LRRC46: variants seen among roughly 807,000 people sequenced by gnomAD.
The protein encoded by LRRC46 is leucine-rich repeat-containing protein 46.
In LRRC46, 20 loss-of-function variants were observed where a neutral mutation model predicts 28.0. That is an observed-to-expected ratio of 0.71 (90% CI 0.50 to 1.04). The LOEUF (loss-of-function observed/expected upper bound fraction) is 1.04, where lower values mean the gene tolerates loss of function less well. Ranked by LOEUF, LRRC46 falls within the 50% of genes least tolerant of loss-of-function variation. The pLI, the probability that LRRC46 is intolerant of heterozygous loss-of-function variation, is 0.00. For missense variants in LRRC46, 315 were observed against 390.1 expected, an observed-to-expected ratio of 0.81 and a Z score of 1.62; for synonymous variants, 156 against 158.8, an observed-to-expected ratio of 0.98 and a Z score of 0.13.
rs1408679867 is a variant in LRRC46, at chr17:47,837,079, C to T, written c.925C>T (p.Pro309Ser). ...TAPKASVAEA[P>S]STTKTTAKRS... ...CCCCAAGGCCTCTGTGGCTGAGGCC[C>T]CCAGCACAACCAAAACTACGGCCAA... Residue 309 changes from proline to serine, a missense_variant, in exon 8 of 8, where the codon CCC becomes TCC. Transcript: ENST00000269025. 1.9e-6 allele frequency: 3 copies of T among 1,604,704 alleles called. No homozygotes were observed. Among genetic ancestry groups the T allele is most frequent in the African/African-American group, 2.7e-5 (2 of 73,804 alleles).
intron 2 of LRRC46, chr17:47,834,164 C>A: frequency 9.1e-7 from 1 of 1,094,742 alleles, no homozygotes; most frequent in Non-Finnish European, 1.1e-6. Context: ...CATAAGCTGC[C>A]ATCCCCCAAT....
At chr17:47,834,679 A>G in intron 3 of LRRC46, 146 bp downstream of exon 3, 1 of 587,282 alleles carries the variant, frequency 1.7e-6, no homozygotes, top group Non-Finnish European at 3.1e-6. Flanking sequence ...GACGAATGAC[A>G]TAGGGTCCTG....
At position 47,837,616 on chromosome 17, in the gene LRRC46, A is replaced by G; in HGVS notation, c.*496A>G. 1.8e-6 allele frequency: 1 copy of G among 564,036 alleles called. No individual in the cohort carries two copies. The highest frequency in any genetic ancestry group is 3.3e-5 in the East Asian group (1 of 30,034). 34.9% of individuals were successfully genotyped at this position (564,036 alleles called of 1,614,324 possible). The stretch of plus-strand genomic sequence containing the variant: ...ATGAGTACACAACCACAGGCCCCGC[A>G]GCCAGCCCACAGCTGCCTTTGGGCC... On this transcript the variant is annotated 3_prime_UTR_variant, in exon 8 of 8. Coordinates refer to ENST00000269025, the MANE Select transcript of LRRC46 (RefSeq NM_033413.4).
rs1241597563 is a variant in LRRC46 at position 47,836,747 on chromosome 17, C to G, written c.596-3C>G. 1 of 1,613,126 alleles carries G rather than the reference C, an allele frequency of 6.2e-7. No homozygotes were observed. Among genetic ancestry groups the G allele is most frequent in the Non-Finnish European group, 8.5e-7 (1 of 1,179,714 alleles). On this transcript the variant is annotated splice_polypyrimidine_tract_variant and splice_region_variant and intron_variant, in intron 7 of 7. Coordinates refer to ENST00000269025, the MANE Select transcript of LRRC46 (RefSeq NM_033413.4). This position sits in a 1 kb window ranked among gnomAD's most constrained non-coding sequence, Gnocchi z 5.8. ...TGTACCCTCCACCCCCGGCCCCTCCCAGGCTTCCTCAAGGAGCTGGAGCAG... is the reference window on the plus strand; with the variant it reads ...TGTACCCTCCACCCCCGGCCCCTCCGAGGCTTCCTCAAGGAGCTGGAGCAG...
At position 47,837,299 on chromosome 17, in the gene LRRC46, C is replaced by T; in HGVS notation, c.*179C>T. 1 of 820,032 alleles carries T rather than the reference C, an allele frequency of 1.2e-6. No individual in the cohort carries two copies. The highest frequency in any genetic ancestry group is 3.5e-5 in the Admixed American group (1 of 28,344). The allele number at this position is 820,032 out of a possible 1,614,324, so 50.8% of individuals were successfully genotyped here. ...AGTGAAAGCTCCAGGAAACAAAATA[C>T]AGAGCTCAGTGAGCCACCTGATTCT... is the stretch of plus-strand genomic sequence containing the variant. On this transcript the variant is annotated 3_prime_UTR_variant, in exon 8 of 8. Coordinates refer to ENST00000269025, the MANE Select transcript of LRRC46 (RefSeq NM_033413.4).
chr17:47,836,150 C>G lies in LRRC46; in HGVS notation c.452+48C>G. ...AAAGGTCATGGCTGAGCTCTACCTG[C>G]TAACTCAGCCCAGACCCCTCTCAGC... On this transcript the variant is annotated intron_variant, in intron 6 of 7. Coordinates refer to ENST00000269025, the MANE Select transcript of LRRC46 (RefSeq NM_033413.4). This position sits in a 1 kb window ranked among gnomAD's most constrained non-coding sequence, Gnocchi z 5.8. The G allele has an allele frequency of 6.3e-7, 1 of 1,599,768 alleles. No individual in the cohort carries two copies. The highest frequency in any genetic ancestry group is 8.6e-7 in the Non-Finnish European group (1 of 1,167,066).
chr17:47,834,319 C>A, intron 2 of LRRC46, 106 bp from the exon 3 acceptor site: 1 of 877,884 alleles, frequency 1.1e-6, no homozygotes. Context: ...ATGACTCAGC[C>A]AACTACCCCT....
chr17:47,834,879 A>G (rs1255655371), intron 3 of LRRC46: 2 of 231,762 alleles, frequency 8.6e-6, no homozygotes, highest in Non-Finnish European at 1.7e-5. Flanking sequence ...CATCATTCAG[A>G]TCCTACTTGA....
At position 47,836,212 on chromosome 17, in the gene LRRC46, C is replaced by G; in HGVS notation, c.452+110C>G. On this transcript the variant is annotated intron_variant, in intron 6 of 7. Transcript: ENST00000269025. This position sits in a 1 kb window ranked among gnomAD's most constrained non-coding sequence, Gnocchi z 5.8. Reference sequence around the variant, plus strand: ...GGGTCCTGTCCATGACACCTTCTCCCCCACCTCCTACCTAGCTCATGAGCC... The same window carrying G: ...GGGTCCTGTCCATGACACCTTCTCCGCCACCTCCTACCTAGCTCATGAGCC... 1.9e-6 allele frequency: 3 copies of G among 1,572,676 alleles called. No homozygotes were observed. Among genetic ancestry groups the G allele is most frequent in the Non-Finnish European group, 2.6e-6 (3 of 1,145,926 alleles).
intron 5 of LRRC46, 121 bp downstream of exon 5, chr17:47,835,896 G>T: frequency 1.5e-6 from 2 of 1,294,364 alleles, no homozygotes; most frequent in East Asian, 4.7e-5. Flanking sequence ...TTCATCCTCA[G>T]GGAGTTCAAG....
chr17:47,836,947 G>A lies in LRRC46; in HGVS notation c.793G>A (p.Val265Ile), dbSNP rs771928111. 9.3e-6 allele frequency: 15 copies of A among 1,613,604 alleles called. No individual in the cohort carries two copies. The highest frequency in any genetic ancestry group is 1.1e-5 in the Non-Finnish European group (13 of 1,179,934). Residue 265 changes from valine (V) to isoleucine (I), a missense_variant, in exon 8 of 8, where the codon GTC becomes ATC. Transcript: ENST00000269025. The surrounding 1 kb of genome is among the most constrained non-coding windows in gnomAD (Gnocchi z 5.8). ...AGGGGAGGAGACAGTCCCTGAGGCC[G>A]TCTCCTCACCCCAGGCCTCCTCTCC... ...AQGEETVPEA[V>I]SSPQASSPTK... is the part of the protein sequence containing the mutation.
chr17:47,835,850 C>T, intron 5 of LRRC46, 75 bp downstream of exon 5: 1 of 1,411,768 alleles, frequency 7.1e-7, no homozygotes, highest in Admixed American at 1.7e-5. Context: ...CCCATCTGCC[C>T]ATGCTTCTAT....
At position 47,834,439 on chromosome 17, in the gene LRRC46, A is replaced by G. The variant is rs2033670346; in HGVS notation, c.131A>G (p.Asp44Gly). Residue 44 changes from aspartate to glycine, a missense_variant, in exon 3 of 8, where the codon GAT becomes GGT. Physicochemically the swap from Asp to Gly is moderately conservative, Grantham distance 94 (BLOSUM62 -1). Coordinates refer to ENST00000269025, the MANE Select transcript of LRRC46 (RefSeq NM_033413.4). ...ELSEKMFHTLDELQTVRLDRE... is the reference protein window; with the variant it reads ...ELSEKMFHTLGELQTVRLDRE... Reference sequence around the variant, plus strand: ...TCTTTTCCCAGGTTTCACACTCTTGATGAACTGCAGACTGTCCGCCTGGAC... The same window carrying G: ...TCTTTTCCCAGGTTTCACACTCTTGGTGAACTGCAGACTGTCCGCCTGGAC... The G allele has an allele frequency of 4.3e-6, 7 of 1,612,934 alleles. No homozygotes were observed. In the East Asian group the frequency reaches 1.6e-4, roughly 36 times the overall value.
rs1036369794 is a variant in LRRC46, at chr17:47,837,229, G to C, written c.*109G>C. On this transcript the variant is annotated 3_prime_UTR_variant, in exon 8 of 8. Coordinates refer to ENST00000269025, the MANE Select transcript of LRRC46 (RefSeq NM_033413.4). ...CCCCAGTAAAGTGTCTCTAGGCCCTGAGTATGCTTTTCATGTCACTTGGGG... is the reference window on the plus strand; with the variant it reads ...CCCCAGTAAAGTGTCTCTAGGCCCTCAGTATGCTTTTCATGTCACTTGGGG... 1 of 1,439,506 alleles carries C rather than the reference G, an allele frequency of 6.9e-7. No homozygotes were observed. Among genetic ancestry groups the C allele is most frequent in the African/African-American group, 1.4e-5 (1 of 69,568 alleles). 89.2% of individuals were successfully genotyped at this position (1,439,506 alleles called of 1,614,324 possible). A position where few individuals can be genotyped will look rare whatever the true frequency, so the allele number is the denominator to read the frequency against.
rs748743875 is a variant in LRRC46 at position 47,836,472 on chromosome 17, C to T, written c.592C>T (p.Arg198Ter). 7.4e-6 allele frequency: 12 copies of T among 1,613,688 alleles called. No individual in the cohort carries two copies. The highest frequency in any genetic ancestry group is 1.7e-5 in the Admixed American group (1 of 59,980). ...GCTGAGTGGCCCATTCTGCTCAGAA[C>T]GAGGTGACCCTGCTTTCCAAGGTTT... is the stretch of plus-strand genomic sequence containing the variant. Reference protein sequence around the residue: ...PELSGPFCSERGFLKELEQEL... With the variant: ...PELSGPFCSE Residue 198 changes from arginine (R) to a stop codon, truncating the protein, a stop_gained, in exon 7 of 8, where the codon CGA becomes TGA. Coordinates refer to ENST00000269025, the MANE Select transcript of LRRC46 (RefSeq NM_033413.4). LOFTEE classifies it low-confidence loss of function (END_TRUNC). This position sits in a 1 kb window ranked among gnomAD's most constrained non-coding sequence, Gnocchi z 5.8.
rs549324396 is a variant in LRRC46, at chr17:47,836,658, G to A, written c.596-92G>A. On this transcript the variant is annotated intron_variant, in intron 7 of 7. Transcript: ENST00000269025. The surrounding 1 kb of genome is among the most constrained non-coding windows in gnomAD (Gnocchi z 5.8). ...CAGGCTCCTTCCCACAAGGGACAAG[G>A]GGCCAGCCAGAGACTTCCCTGAGCC... 6.5e-7 allele frequency: 1 copy of A among 1,542,410 alleles called. No individual in the cohort carries two copies. The highest frequency in any genetic ancestry group is 2.3e-5 in the East Asian group (1 of 43,304).
In LRRC46 at chr17:47,837,232, T is replaced by A; in HGVS notation, c.*112T>A. 7.0e-7 allele frequency: 1 copy of A among 1,420,998 alleles called. No homozygotes were observed. Among genetic ancestry groups the A allele is most frequent in the Non-Finnish European group, 9.5e-7 (1 of 1,057,002 alleles). 88.0% of individuals were successfully genotyped at this position (1,420,998 alleles called of 1,614,324 possible). ...CAGTAAAGTGTCTCTAGGCCCTGAG[T>A]ATGCTTTTCATGTCACTTGGGGTAT... On this transcript the variant is annotated 3_prime_UTR_variant, in exon 8 of 8. Coordinates refer to ENST00000269025, the MANE Select transcript of LRRC46 (RefSeq NM_033413.4).
In LRRC46 at chr17:47,836,390, G is replaced by A; in HGVS notation, c.510G>A (p.Val170=). The change falls in exon 7 of 8, where the codon GTG becomes GTA. Residue 170 remains valine (V), a synonymous_variant. Coordinates refer to ENST00000269025, the MANE Select transcript of LRRC46 (RefSeq NM_033413.4). This position sits in a 1 kb window ranked among gnomAD's most constrained non-coding sequence, Gnocchi z 5.8. ...TGGACCTGGACGGGCAGCCTGTGGT[G>A]GAGCGCTGGATTTCGGATGAGGAGG... The part of the protein sequence containing the change: ...LLLDLDGQPV[V]ERWISDEEDE... 1 of 1,614,148 alleles carries A rather than the reference G, an allele frequency of 6.2e-7. No individual in the cohort carries two copies. Among genetic ancestry groups the A allele is most frequent in the South Asian group, 1.1e-5 (1 of 91,080 alleles).
Position 47,834,530 on chromosome 17 carries a change from A to G in LRRC46, c.222A>G (p.Gln74=). 1 of 1,600,730 alleles carries G rather than the reference A, an allele frequency of 6.2e-7. No individual in the cohort carries two copies. The highest frequency in any genetic ancestry group is 8.6e-7 in the Non-Finnish European group (1 of 1,168,244). The change falls in exon 3 of 8, where the codon CAA becomes CAG. Residue 74 remains glutamine, a synonymous_variant. Transcript: ENST00000269025. Reference sequence around the variant, plus strand: ...AGAATCTTCACAGTCTCTATCTGCAAGGGGTAACTTCTTTCTCCACCCTTC... The same window carrying G: ...AGAATCTTCACAGTCTCTATCTGCAGGGGGTAACTTCTTTCTCCACCCTTC... The part of the protein sequence containing the change: ...GLQNLHSLYL[Q]GNKIQQIENL...
Sources: allele counts gnomAD v4.1 joint callset, GRCh38; gene constraint gnomAD v4.1.1; non-coding constraint Gnocchi (gnomAD v3.1); transcripts MANE v1.5; gene names NCBI Gene and HGNC (gene_info 2026-07-23, HGNC 2026-07-21).